Variants in SAP30BP observed in about 807,000 individuals in gnomAD.
The protein encoded by SAP30BP is SAP30-binding protein.
In SAP30BP, 31 loss-of-function variants were observed where a neutral mutation model predicts 46.3. The observed-to-expected ratio is 0.67, with a 90% confidence interval of 0.50 to 0.90. The LOEUF is 0.90. Among genes scored for constraint, SAP30BP ranks in the 40% least tolerant of loss-of-function variants. SAP30BP has a pLI of 0.00. For missense variants in SAP30BP, 312 were observed against 391.0 expected, an observed-to-expected ratio of 0.80 and a Z score of 1.70; for synonymous variants, 169 against 144.2, an observed-to-expected ratio of 1.17 and a Z score of -1.23.
chr17:75,687,878 G>C (rs370050425), intron 3 of SAP30BP, among the ~76,000 whole-genome samples: 24 of 151,790 alleles, frequency 1.6e-4, no homozygotes, highest in African/African-American at 5.1e-4. Context: ...GGTAGGTGTG[G>C]AACCTAAACT....
chr17:75,671,666 C>T, intron 2 of SAP30BP, 150 bp from the exon 3 acceptor site: 3 of 616,160 alleles, frequency 4.9e-6, no homozygotes, highest in South Asian at 2.0e-5. Flanking sequence ...TTATTTTTCT[C>T]TGGTTCTGAG....
In SAP30BP at chr17:75,668,257, A is replaced by G. The variant is rs549782450; in HGVS notation, c.107-259A>G. 9.5e-6 allele frequency: 4 copies of G among 421,456 alleles called. No individual in the cohort carries two copies. In the South Asian group the frequency reaches 1.3e-4, roughly 14 times the overall value. 26.1% of individuals were successfully genotyped at this position (421,456 alleles called of 1,614,324 possible). A position where few individuals can be genotyped will look rare whatever the true frequency, so the allele number is the denominator to read the frequency against. ...GTTTCCTATAAACACTTTAGTGTTTATCTAGTGTTTATAGCATTAGAAACA... is the reference window on the plus strand; with the variant it reads ...GTTTCCTATAAACACTTTAGTGTTTGTCTAGTGTTTATAGCATTAGAAACA... On this transcript the variant is annotated intron_variant, in intron 1 of 10. Coordinates refer to ENST00000584667, the MANE Select transcript of SAP30BP (RefSeq NM_013260.8).
intron 3 of SAP30BP, among the ~76,000 whole-genome samples, chr17:75,686,641 C>T (rs991672541): frequency 1.3e-5 from 2 of 152,206 alleles, no homozygotes; most frequent in East Asian, 1.9e-4. Flanking sequence ...CACCAACTTC[C>T]GCCCATTTTT....
At chr17:75,680,983 G>T (rs1184729099) in intron 3 of SAP30BP, among the ~76,000 whole-genome samples, 1 of 152,112 alleles carries the variant, frequency 6.6e-6, no homozygotes, top group Non-Finnish European at 1.5e-5. Context: ...GCTGTGAGCC[G>T]AGATCTGTAC....
At chr17:75,667,732 T>C (rs2059819451) in intron 1 of SAP30BP, among the ~76,000 whole-genome samples, 1 of 152,212 alleles carries the variant, frequency 6.6e-6, no homozygotes, top group Admixed American at 6.5e-5. Context: ...GACAGAGGGA[T>C]GGACGAAGAG....
chr17:75,706,684 A>G lies in SAP30BP; in HGVS notation c.*163A>G, dbSNP rs535529335. The G allele has an allele frequency of 2.8e-4, 188 of 663,918 alleles. 2 individuals carry two copies. The African/African-American group carries it at 3.0e-3, about 11-fold the overall frequency. The allele number at this position is 663,918 out of a possible 1,614,324, so 41.1% of individuals were successfully genotyped here. A position where few individuals can be genotyped will look rare whatever the true frequency, so the allele number is the denominator to read the frequency against. On this transcript the variant is annotated 3_prime_UTR_variant, in exon 11 of 11. Transcript: ENST00000584667. The surrounding 1 kb of genome is among the most constrained non-coding windows in gnomAD (Gnocchi z 4.6). ...CAGATGGAAGGACAGGCAGCACGGG[A>G]GCCAGGCGCTGTGGACAGGGTCTGT...
intron 5 of SAP30BP, 31 bp downstream of exon 5, chr17:75,699,902 A>G: frequency 6.8e-7 from 1 of 1,465,494 alleles, no homozygotes. Context: ...CTGAGGTCGG[A>G]TAGATTAGAT....
At chr17:75,702,391 T>A (rs1041298734) in intron 5 of SAP30BP, 89 bp from the exon 6 acceptor site, 2 of 587,272 alleles carry the variant, frequency 3.4e-6, no homozygotes, top group Non-Finnish European at 6.3e-6. Flanking sequence ...ATGTTCATGC[T>A]GCACATGTAG....
intron 3 of SAP30BP, chr17:75,684,021 TTCAC>T (rs1449781500): frequency 1.3e-5 from 2 of 152,244 alleles, no homozygotes; most frequent in African/African-American, 4.8e-5. Flanking sequence ...CTTCTTGGTC[TTCAC>T]TGTTGGCTTA....
At chr17:75,699,664 T>C in intron 4 of SAP30BP, 119 bp from the exon 5 acceptor site, 1 of 679,810 alleles carries the variant, frequency 1.5e-6, no homozygotes, top group Non-Finnish European at 2.6e-6. Context: ...CACTCAGTTG[T>C]ACTGTTTTCA....
intron 3 of SAP30BP, chr17:75,693,222 G>A (rs998887403): frequency 3.1e-5 from 17 of 545,998 alleles, no homozygotes; most frequent in Non-Finnish European, 5.0e-5. Context: ...AGGAGAGACC[G>A]GCGTGGGGCT....
intron 3 of SAP30BP, chr17:75,691,494 T>C: frequency 4.4e-6 from 2 of 456,504 alleles, no homozygotes; most frequent in South Asian, 3.1e-5. Flanking sequence ...ACGGGGAGGC[T>C]CCTGGCCTCT....
intron 4 of SAP30BP, among the ~76,000 whole-genome samples, chr17:75,696,006 C>T (rs191079302): frequency 1.3e-5 from 2 of 152,330 alleles, no homozygotes; most frequent in East Asian, 3.9e-4. Flanking sequence ...TAAGCCCGTC[C>T]AACTAGCTGT....
chr17:75,703,415 G>C (rs2060445200), intron 7 of SAP30BP, 44 bp downstream of exon 7: 1 of 1,563,660 alleles, frequency 6.4e-7, no homozygotes, highest in East Asian at 2.2e-5. Context: ...GGACACCCAG[G>C]GTCCTTTGCT....
intron 8 of SAP30BP, 108 bp from the exon 9 acceptor site, chr17:75,704,648 C>A (rs907193889): frequency 1.2e-6 from 1 of 830,700 alleles, no homozygotes; most frequent in South Asian, 1.4e-5. Context: ...AACACTGAGC[C>A]CATGAAGGCC....
intron 8 of SAP30BP, 99 bp downstream of exon 8, chr17:75,703,958 A>G (rs1470065145): frequency 3.3e-6 from 3 of 913,550 alleles, no homozygotes; most frequent in East Asian, 2.4e-5. Flanking sequence ...TTCAGGGTCT[A>G]CTCTATGTCA....
At chr17:75,704,872 C>T (rs543371562) in intron 9 of SAP30BP, 58 bp downstream of exon 9, 104 of 1,378,758 alleles carry the variant, frequency 7.5e-5, no homozygotes, top group Non-Finnish European at 1.0e-4. Context: ...ATGGGTCCTG[C>T]TGGCTGAGCC....
intron 3 of SAP30BP, among the ~76,000 whole-genome samples, chr17:75,689,291 A>G (rs2060208531): frequency 6.6e-6 from 1 of 150,536 alleles, no homozygotes; most frequent in South Asian, 2.1e-4. Flanking sequence ...TAATTTTTGT[A>G]TTTTTAGTGG....
rs137880407 is a variant in SAP30BP, at chr17:75,673,424, C to T, written c.264+1561C>T. Among the ~76,000 whole-genome samples, 728 of 152,274 alleles carry T rather than the reference C, an allele frequency of 4.8e-3. 4 individuals carry two copies. Among genetic ancestry groups the T allele is most frequent in the African/African-American group, 0.014 (594 of 41,538 alleles). ...CACTCAGTAGTGATAATCTTCTCTG[C>T]CTAGTATTTAGGGTATGTGGGACTT... On this transcript the variant is annotated intron_variant, in intron 3 of 10. Transcript: ENST00000584667.
Sources: gnomAD v4.1 joint callset for allele counts (sites outside exome capture counted in the v4.1 genomes callset) on GRCh38, gnomAD v4.1.1 for gene constraint, Gnocchi (gnomAD v3.1) non-coding constraint, MANE v1.5 for transcripts, NCBI Gene and HGNC (gene_info 2026-07-23, HGNC 2026-07-21) for gene names.